The following GRAMD2B variants were observed in gnomAD, a reference collection of about 807,000 sequenced individuals.
GRAMD2B encodes the protein GRAM domain-containing protein 2B.
A neutral mutation model predicts 59.2 loss-of-function variants in GRAMD2B; 41 were observed. That is an observed-to-expected ratio of 0.69 (90% CI 0.54 to 0.90). The LOEUF (loss-of-function observed/expected upper bound fraction) is 0.90, where lower values mean the gene tolerates loss of function less well. Among genes scored for constraint, GRAMD2B ranks in the 40% least tolerant of loss-of-function variants. The probability of loss-of-function intolerance (pLI) is 0.00; values close to 1 mark genes in which losing one functional copy is unlikely to be tolerated. For synonymous variants in GRAMD2B, 161 were observed against 182.7 expected (o/e 0.88, Z 0.96); for missense variants, 424 against 500.5 (o/e 0.85, Z 1.46).
At chr5:126,397,166 C>G (rs1431240375) in intron 1 of GRAMD2B, among the ~76,000 whole-genome samples, 1 of 152,090 alleles carries the variant, frequency 6.6e-6, no homozygotes, top group Non-Finnish European at 1.5e-5. Flanking sequence ...AAAGGGAAAG[C>G]GTTCAGTTTT....
chr5:126,360,381 C>T (rs996042836), exon 1 of GRAMD2B: 12 of 1,551,424 alleles, frequency 7.7e-6, no homozygotes, highest in Middle Eastern at 1.7e-4. Flanking sequence ...ATTCAGCAAA[C>T]ATTCCAAGCA....
chr5:126,493,904 T>G lies in GRAMD2B; in HGVS notation c.*948T>G, dbSNP rs1774333162. The G allele has an allele frequency of 6.6e-6, 1 of 152,656 alleles. No individual in the cohort carries two copies. The allele number at this position is 152,656 out of a possible 1,614,324, so 9.5% of individuals were successfully genotyped here. A position where few individuals can be genotyped will look rare whatever the true frequency, so the allele number is the denominator to read the frequency against. On this transcript the variant is annotated 3_prime_UTR_variant, in exon 14 of 14. Coordinates refer to ENST00000285689, the MANE Select transcript of GRAMD2B (RefSeq NM_023927.4). ...GACTAAAATAAAATAACTGGTGGTTTGCTAACTATTTACCATATGGGTTGG... is the reference window on the plus strand; with the variant it reads ...GACTAAAATAAAATAACTGGTGGTTGGCTAACTATTTACCATATGGGTTGG...
chr5:126,403,609 A>G (rs563662373), intron 1 of GRAMD2B, among the ~76,000 whole-genome samples: 4 of 151,524 alleles, frequency 2.6e-5, no homozygotes, highest in Admixed American at 6.6e-5. Context: ...GCAGGGGGGA[A>G]AAAATTTTAA....
intron 1 of GRAMD2B, among the ~76,000 whole-genome samples, chr5:126,406,175 G>A (rs772387515): frequency 1.3e-4 from 19 of 151,710 alleles, no homozygotes; most frequent in Non-Finnish European, 2.1e-4. Context: ...TTACTAACTC[G>A]GAATACATCT....
At chr5:126,474,093 A>AT (rs1167966994) in intron 5 of GRAMD2B, among the ~76,000 whole-genome samples, 5 of 152,254 alleles carry the variant, frequency 3.3e-5, no homozygotes, top group South Asian at 4.1e-4. Context: ...TCCCACTGAC[A>AT]TTTTTTTACC....
intron 1 of GRAMD2B, among the ~76,000 whole-genome samples, chr5:126,407,637 T>C (rs1758377081): frequency 6.6e-6 from 1 of 151,952 alleles, no homozygotes; most frequent in South Asian, 2.1e-4. Flanking sequence ...AGGGTTCAAA[T>C]AGGATTCAAA....
Position 126,439,559 on chromosome 5 carries a change from C to T in GRAMD2B, c.83+15870C>T, listed in dbSNP as rs111438155. On this transcript the variant is annotated intron_variant, in intron 1 of 13. Coordinates refer to ENST00000285689, the MANE Select transcript of GRAMD2B (RefSeq NM_023927.4). Reference sequence around the variant, plus strand: ...CAGGCTGATCTTGAACTCCTGACCTCAAGTGATCATCCTGCCTCAGCTTCC... The same window carrying T: ...CAGGCTGATCTTGAACTCCTGACCTTAAGTGATCATCCTGCCTCAGCTTCC... Among the ~76,000 whole-genome samples, 347 of 152,174 alleles carry T rather than the reference C, an allele frequency of 2.3e-3. 3 individuals are homozygous for T. The highest frequency in any genetic ancestry group is 8.0e-3 in the African/African-American group (332 of 41,506).
At chr5:126,376,721 G>A (rs1267591636) in intron 1 of GRAMD2B, among the ~76,000 whole-genome samples, 1 of 152,192 alleles carries the variant, frequency 6.6e-6, no homozygotes. Flanking sequence ...TCCAAGAGCA[G>A]GGATGAGATG....
At chr5:126,484,653 GGCTCACTGCAACCTCT>G in intron 10 of GRAMD2B, 129 bp downstream of exon 10, 1 of 876,048 alleles carries the variant, frequency 1.1e-6, no homozygotes, top group East Asian at 2.9e-5. Context: ...ACATGATCTT[GGCTCACTGCAACCTCT>G]GCCTCTTGGA....
At chr5:126,401,939 C>G (rs1214282969) in intron 1 of GRAMD2B, among the ~76,000 whole-genome samples, 1 of 152,012 alleles carries the variant, frequency 6.6e-6, no homozygotes, top group Non-Finnish European at 1.5e-5. Context: ...TCACTCTAAT[C>G]CCAGCAAGTG....
chr5:126,484,360 C>T (rs903145475), intron 9 of GRAMD2B, 42 bp from the exon 10 acceptor site: 9 of 1,597,336 alleles, frequency 5.6e-6, no homozygotes, highest in Admixed American at 3.5e-5. Flanking sequence ...TTTTTAAATA[C>T]ATTGGAGAGA....
chr5:126,374,241 AT>A (rs1204647277), intron 1 of GRAMD2B, among the ~76,000 whole-genome samples: 1 of 152,150 alleles, frequency 6.6e-6, no homozygotes, highest in Non-Finnish European at 1.5e-5. Context: ...GAATTGTCTG[AT>A]TTTTTTACCT....
chr5:126,378,690 C>CAGCT (rs2149700897), intron 1 of GRAMD2B, among the ~76,000 whole-genome samples: 1 of 152,292 alleles, frequency 6.6e-6, no homozygotes, highest in South Asian at 2.1e-4. Context: ...AATGAACTCT[C>CAGCT]AGCTAGCGGA....
At chr5:126,486,329 C>T (rs1427177149) in intron 11 of GRAMD2B, among the ~76,000 whole-genome samples, 2 of 152,220 alleles carry the variant, frequency 1.3e-5, no homozygotes, top group African/African-American at 2.4e-5. Context: ...TGTCCCATGT[C>T]CCCTGAACAG....
chr5:126,473,505 T>C, intron 5 of GRAMD2B, 137 bp downstream of exon 5: 1 of 428,714 alleles, frequency 2.3e-6, no homozygotes, highest in Non-Finnish European at 4.2e-6. Flanking sequence ...TTTGTTGTAA[T>C]TCCAAATACT....
intron 1 of GRAMD2B, among the ~76,000 whole-genome samples, chr5:126,384,759 G>T (rs977820995): frequency 1.4e-4 from 22 of 152,172 alleles, no homozygotes; most frequent in African/African-American, 5.3e-4. Context: ...CCCCTTCTTT[G>T]CCTACAATAC....
Position 126,483,569 on chromosome 5 carries a change from C to T in GRAMD2B, c.842C>T (p.Ser281Phe). Reference protein sequence around the residue: ...SGSQTPESENSRDFHATESQT... With the variant: ...SGSQTPESENFRDFHATESQT... ...TCTCAAACTCCTGAATCTGAGAACT[C>T]TCGAGGTTTGGGAAATTGTTGTATT... is the stretch of plus-strand genomic sequence containing the variant. The change falls in exon 9 of 14, where the codon TCT (serine) becomes TTT (phenylalanine). Residue 281 changes from serine to phenylalanine, a missense_variant. Coordinates refer to ENST00000285689, the MANE Select transcript of GRAMD2B (RefSeq NM_023927.4). 1 of 1,587,316 alleles carries T rather than the reference C, an allele frequency of 6.3e-7. No individual in the cohort carries two copies. Among genetic ancestry groups the T allele is most frequent in the South Asian group, 1.1e-5 (1 of 90,136 alleles).
chr5:126,493,187 T>A lies in GRAMD2B; in HGVS notation c.*231T>A. On this transcript the variant is annotated 3_prime_UTR_variant, in exon 14 of 14. Transcript: ENST00000285689. ...TGAGGAAGATTTTGCTGCTTTTGCCTGAAGAAAACAGACCCATCTCTGGAG... is the reference window on the plus strand; with the variant it reads ...TGAGGAAGATTTTGCTGCTTTTGCCAGAAGAAAACAGACCCATCTCTGGAG... 3.8e-6 allele frequency: 2 copies of A among 532,034 alleles called. No homozygotes were observed. Among genetic ancestry groups the A allele is most frequent in the Non-Finnish European group, 6.8e-6 (2 of 294,932 alleles). 33.0% of individuals were successfully genotyped at this position (532,034 alleles called of 1,614,324 possible). A position where few individuals can be genotyped will look rare whatever the true frequency, so the allele number is the denominator to read the frequency against.
intron 5 of GRAMD2B, among the ~76,000 whole-genome samples, chr5:126,475,755 G>A (rs1056012488): frequency 5.3e-5 from 8 of 151,908 alleles, no homozygotes; most frequent in South Asian, 2.1e-4. Flanking sequence ...ACCTGAGGTC[G>A]GGCGTTCAAG....
Sources: allele counts gnomAD v4.1 joint callset (sites outside exome capture counted in the v4.1 genomes callset), GRCh38; gene constraint gnomAD v4.1.1; transcripts MANE v1.5; gene names NCBI Gene and HGNC (gene_info 2026-07-23, HGNC 2026-07-21).